The following TCF3 variants were observed in gnomAD, a reference collection of about 807,000 sequenced individuals.
TCF3 encodes transcription factor E2-alpha.
Under a neutral mutation model 72.3 loss-of-function variants are expected in TCF3, and 54 were observed. The ratio of observed to expected loss-of-function variants is 0.75; its 90% CI spans 0.60 to 0.94. The LOEUF (loss-of-function observed/expected upper bound fraction) is 0.94. Among genes scored for constraint, TCF3 ranks in the 40% least tolerant of loss-of-function variants. The probability of loss-of-function intolerance (pLI) is 0.00; values close to 1 mark genes in which losing one functional copy is unlikely to be tolerated. For missense variants in TCF3, 1,078 were observed against 934.4 expected (o/e 1.15, Z -2.00); for synonymous variants, 525 against 412.6 (o/e 1.27, Z -3.30).
chr19:1,651,977 G>A (rs943929274), intron 1 of TCF3, among the ~76,000 whole-genome samples: 12 of 151,014 alleles, frequency 7.9e-5, no homozygotes, highest in African/African-American at 1.5e-4. Context: ...GGCTGGGGGG[G>A]ACGGTCCTCG....
chr19:1,617,467 G>C (rs1156945903), intron 16 of TCF3, among the ~76,000 whole-genome samples: 2 of 152,238 alleles, frequency 1.3e-5, no homozygotes, highest in African/African-American at 4.8e-5. Context: ...TGCCCCAAAT[G>C]AATGCGGCCA....
chr19:1,627,294 A>G, intron 6 of TCF3, 65 bp downstream of exon 6: 1 of 1,427,928 alleles, frequency 7.0e-7, no homozygotes, highest in Non-Finnish European at 9.6e-7. Context: ...TCTGCAGATC[A>G]GAGAGGGTGG....
chr19:1,635,828 C>T (rs529721075), intron 3 of TCF3, among the ~76,000 whole-genome samples: 12 of 152,342 alleles, frequency 7.9e-5, no homozygotes, highest in African/African-American at 2.9e-4. Context: ...ACAGCCACCA[C>T]CAAATACCAC....
intron 5 of TCF3, among the ~76,000 whole-genome samples, chr19:1,627,666 T>C (rs987911255): frequency 1.3e-5 from 2 of 152,140 alleles, no homozygotes; most frequent in Admixed American, 6.5e-5. Flanking sequence ...AATGACAGGC[T>C]TGGGGACAAG....
chr19:1,611,654 G>A lies in TCF3; in HGVS notation c.*53C>T, dbSNP rs1161695699. 1 of 1,572,938 alleles carries A rather than the reference G, an allele frequency of 6.4e-7. No individual in the cohort carries two copies. The highest frequency in any genetic ancestry group is 8.6e-7 in the Non-Finnish European group (1 of 1,157,254). Reference sequence around the variant, plus strand: ...CCCGGGGTCTCGAGTGGCCGTTCTGGGGCCAGAGCACAGGGCTGAAAGCGG... The same window carrying A: ...CCCGGGGTCTCGAGTGGCCGTTCTGAGGCCAGAGCACAGGGCTGAAAGCGG... On this transcript the variant is annotated 3_prime_UTR_variant, in exon 19 of 19. Transcript: ENST00000262965.
At position 1,651,618 on chromosome 19, in the gene TCF3, T is replaced by C. The variant is rs558959149; in HGVS notation, c.-40+682A>G. 1.0e-3 allele frequency among the ~76,000 whole-genome samples: 159 copies of C among 152,160 alleles called. 1 individual carries two copies. The highest frequency in any genetic ancestry group is 7.7e-3 in the South Asian group (37 of 4,832). ...GACTTGGAGAATGTTTGAAGCCACT[T>C]TGCACGGCGCCGAAGGCGGGGGGCG... On this transcript the variant is annotated intron_variant, in intron 1 of 18. Transcript: ENST00000262965.
At position 1,637,389 on chromosome 19, in the gene TCF3, C is replaced by T. The variant is rs993036584; in HGVS notation, c.146-4984G>A. Among the ~76,000 whole-genome samples the T allele has an allele frequency of 3.3e-5, 5 of 152,218 alleles. 1 individual carries two copies. The highest frequency in any genetic ancestry group is 6.3e-3 in the Middle Eastern group (2 of 316). The stretch of plus-strand genomic sequence containing the variant: ...CAGAAGCAGGGGCGCCTTGCAACCC[C>T]GCTCCCCCAAGGCCCTGGGGTTTCC... On this transcript the variant is annotated intron_variant, in intron 3 of 18. Coordinates refer to ENST00000262965, the MANE Select transcript of TCF3 (RefSeq NM_003200.5).
chr19:1,619,970 G>C lies in TCF3; in HGVS notation c.1094-117C>G, dbSNP rs943536399. 6 of 937,522 alleles carry C rather than the reference G, an allele frequency of 6.4e-6. No homozygotes were observed. The African/African-American group carries it at 8.2e-5, about 13-fold the overall frequency. The allele number at this position is 937,522 out of a possible 1,614,324, so 58.1% of individuals were successfully genotyped here. On this transcript the variant is annotated intron_variant, in intron 13 of 18. Transcript: ENST00000262965. Reference sequence around the variant, plus strand: ...CTGTCCAGCCTCCGGTGATGCCCAAGATGGCCATTCCGGGGCACCCCACAC... The same window carrying C: ...CTGTCCAGCCTCCGGTGATGCCCAACATGGCCATTCCGGGGCACCCCACAC...
rs2060897942 is a variant in TCF3 at position 1,610,370 on chromosome 19, C to G, written c.*1337G>C. On this transcript the variant is annotated 3_prime_UTR_variant, in exon 19 of 19. Coordinates refer to ENST00000262965, the MANE Select transcript of TCF3 (RefSeq NM_003200.5). ...AGCATTGGGGGAGGCTGGCCAGGCC[C>G]CTGGCATCCTGTCTACGTCACGATG... 1 of 231,652 alleles carries G rather than the reference C, an allele frequency of 4.3e-6. No individual in the cohort carries two copies. Among genetic ancestry groups the G allele is most frequent in the South Asian group, 1.8e-4 (1 of 5,516 alleles). The allele number at this position is 231,652 out of a possible 1,614,324, so 14.3% of individuals were successfully genotyped here. A position where few individuals can be genotyped will look rare whatever the true frequency, so the allele number is the denominator to read the frequency against.
chr19:1,632,509 T>G (rs968017384), intron 3 of TCF3, 104 bp from the exon 4 acceptor site: 237 of 1,247,786 alleles, frequency 1.9e-4, no homozygotes, highest in Non-Finnish European at 2.4e-4. Context: ...CCCGGGGGGC[T>G]TGTGGAACCC....
At chr19:1,629,360 G>A (rs1490492913) in intron 5 of TCF3, among the ~76,000 whole-genome samples, 1 of 151,770 alleles carries the variant, frequency 6.6e-6, no homozygotes, top group Non-Finnish European at 1.5e-5. Context: ...TCAGCCTTCA[G>A]GCCAGGGTTC....
chr19:1,612,117 G>A (rs953724517), intron 18 of TCF3: 18 of 1,325,006 alleles, frequency 1.4e-5, no homozygotes, highest in East Asian at 2.5e-5. Flanking sequence ...GACAGAGTCC[G>A]GGGGCGGCAA....
Position 1,619,301 on chromosome 19 carries a change from T to C in TCF3, c.1326+15A>G, listed in dbSNP as rs773911305. 5 of 1,568,278 alleles carry C rather than the reference T, an allele frequency of 3.2e-6. No homozygotes were observed. Among genetic ancestry groups the C allele is most frequent in the Non-Finnish European group, 4.3e-6 (5 of 1,163,076 alleles). The stretch of plus-strand genomic sequence containing the variant: ...CCCCGCCCACTGCCCAGCTCCACCC[T>C]CGCCCAGCGCTCACCAGGCCTGCGT... On this transcript the variant is annotated intron_variant, in intron 15 of 18. Transcript: ENST00000262965.
In TCF3 at chr19:1,627,360, T is replaced by TC; in HGVS notation, c.364_365insG (p.Gln122ArgfsTer70). 6.2e-7 allele frequency: 1 copy of TC among 1,609,406 alleles called. No homozygotes were observed. The highest frequency in any genetic ancestry group is 8.5e-7 in the Non-Finnish European group (1 of 1,178,700). Reference sequence around the variant, plus strand: ...CCCAGCCCGGCCCGAGCCCCTCACCTGAGTCAGGCCGCCCACGCCTGCGTC... The same window carrying TC: ...CCCAGCCCGGCCCGAGCCCCTCACCTCGAGTCAGGCCGCCCACGCCTGCGTC... On this transcript the variant is annotated frameshift_variant and splice_region_variant, in exon 6 of 19. Coordinates refer to ENST00000262965, the MANE Select transcript of TCF3 (RefSeq NM_003200.5). LOFTEE classifies it high-confidence loss of function.
At chr19:1,633,069 CGG>C (rs2063909535) in intron 3 of TCF3, among the ~76,000 whole-genome samples, 1 of 137,640 alleles carries the variant, frequency 7.3e-6, no homozygotes, top group Admixed American at 7.2e-5. Context: ...CAGCAAGGGA[CGG>C]GACGAGGACC....
rs748910694 is a variant in TCF3 at position 1,631,970 on chromosome 19, G to A, written c.298+68C>T. 1.1e-5 allele frequency: 18 copies of A among 1,574,894 alleles called. No individual in the cohort carries two copies. In the Admixed American group the frequency reaches 2.0e-4, roughly 18 times the overall value. ...ACTTGCCTGGCGCTGTGCGTGCACT[G>A]ACCATGCCAAGGCCCACGTCTGCAC... On this transcript the variant is annotated intron_variant, in intron 5 of 18. Coordinates refer to ENST00000262965, the MANE Select transcript of TCF3 (RefSeq NM_003200.5).
chr19:1,650,962 A>G lies in TCF3; in HGVS notation c.-39-675T>C, dbSNP rs1390547039. ...CAAGAAAACCCCAACAGTATTCAGG[A>G]AAGAAAAAAAAAACAGCCCTAGATT... is the stretch of plus-strand genomic sequence containing the variant. On this transcript the variant is annotated intron_variant, in intron 1 of 18. Transcript: ENST00000262965. 2.2e-5 allele frequency: 5 copies of G among 230,970 alleles called. No homozygotes were observed. In the East Asian group the frequency reaches 3.1e-4, roughly 14 times the overall value. The allele number at this position is 230,970 out of a possible 1,614,324, so 14.3% of individuals were successfully genotyped here. A position where few individuals can be genotyped will look rare whatever the true frequency, so the allele number is the denominator to read the frequency against.
chr19:1,640,424 CTTT>C (rs1035124629), intron 3 of TCF3, among the ~76,000 whole-genome samples: 1 of 152,048 alleles, frequency 6.6e-6, no homozygotes, highest in Non-Finnish European at 1.5e-5. Flanking sequence ...GTTTCAGCTT[CTTT>C]ACCAGTAAAA....
chr19:1,618,750 T>C (rs1254779978), intron 16 of TCF3, among the ~76,000 whole-genome samples: 1 of 152,172 alleles, frequency 6.6e-6, no homozygotes, highest in Non-Finnish European at 1.5e-5. Flanking sequence ...CCGCAGCCAC[T>C]TCGTTCCTTC....
Sources: allele counts gnomAD v4.1 joint callset (sites outside exome capture counted in the v4.1 genomes callset), GRCh38; gene constraint gnomAD v4.1.1; transcripts MANE v1.5; gene names NCBI Gene and HGNC (gene_info 2026-07-23, HGNC 2026-07-21).